Variants in ANKRD31 observed in about 807,000 individuals in gnomAD.
ANKRD31 encodes ankyrin repeat domain-containing protein 31.
A neutral mutation model predicts 186.0 loss-of-function variants in ANKRD31; 147 were observed. The observed-to-expected ratio is 0.79, with a 90% CI of 0.69 to 0.91. The LOEUF (loss-of-function observed/expected upper bound fraction) is 0.91. ANKRD31 is among the 40% of genes least tolerant of loss of function. The pLI is 0.00. For synonymous variants in ANKRD31, 673 were observed against 736.4 expected, an observed-to-expected ratio of 0.91 and a Z score of 1.39; for missense variants, 1,986 against 2,148.8, an observed-to-expected ratio of 0.92 and a Z score of 1.50.
chr5:75,139,958 C>A (rs967659783), intron 15 of ANKRD31, among the ~76,000 whole-genome samples: 2 of 152,112 alleles, frequency 1.3e-5, no homozygotes, highest in Non-Finnish European at 2.9e-5. Flanking sequence ...CGACCCAAAG[C>A]CAGGAACCTG....
In ANKRD31 at chr5:75,107,497, C is replaced by T. The variant is rs1037816095; in HGVS notation, c.4340+24G>A. The T allele has an allele frequency of 1.6e-5, 23 of 1,403,684 alleles. No individual in the cohort carries two copies. The Admixed American group carries it at 2.7e-4, about 17-fold the overall frequency. The allele number at this position is 1,403,684 out of a possible 1,614,324, so 87.0% of individuals were successfully genotyped here. On this transcript the variant is annotated intron_variant, in intron 21 of 25. Coordinates refer to ENST00000506364, the MANE Select transcript of ANKRD31 (RefSeq NM_001372053.1). The stretch of plus-strand genomic sequence containing the variant: ...TAAATTCTAGAAACTCAAAAGCACT[C>T]TTTTTTTTTCTTTTTCTACTCACCT...
At chr5:75,112,262 A>G (rs1747850107) in intron 20 of ANKRD31, among the ~76,000 whole-genome samples, 1 of 152,120 alleles carries the variant, frequency 6.6e-6, no homozygotes. Context: ...AAGTATCTTT[A>G]ACAACACAAA....
intron 3 of ANKRD31, among the ~76,000 whole-genome samples, chr5:75,219,119 A>T (rs1757138036): frequency 6.6e-6 from 1 of 152,144 alleles, no homozygotes; most frequent in Admixed American, 6.5e-5. Context: ...ATTCAACATA[A>T]TATTGGAAGT....
rs570223330 is a variant in ANKRD31 at position 75,190,541 on chromosome 5, A to G, written c.1409-1893T>C. Among the ~76,000 whole-genome samples the G allele has an allele frequency of 8.9e-4, 135 of 152,118 alleles. 1 individual carries two copies. The South Asian group carries it at 8.9e-3, about 10-fold the overall frequency. The stretch of plus-strand genomic sequence containing the variant: ...CACCTCTGAAGGTGTTACAGACTGA[A>G]TGGTGTCCTCCCAAAACTCAAACTT... On this transcript the variant is annotated intron_variant, in intron 9 of 25. Transcript: ENST00000506364.
intron 24 of ANKRD31, 29 bp downstream of exon 24, chr5:75,084,243 C>G (rs1292032896): frequency 1.4e-6 from 2 of 1,480,796 alleles, no homozygotes; most frequent in African/African-American, 1.4e-5. Flanking sequence ...TATCCCACAA[C>G]GAAGAAATGA....
intron 22 of ANKRD31, among the ~76,000 whole-genome samples, chr5:75,101,868 C>T (rs1000667247): frequency 5.9e-5 from 9 of 152,162 alleles, no homozygotes; most frequent in African/African-American, 1.9e-4. Flanking sequence ...GCGATGGGTT[C>T]GAACATCCTC....
chr5:75,225,711 A>G (rs1341350983), intron 2 of ANKRD31: 2 of 160,628 alleles, frequency 1.2e-5, no homozygotes, highest in Non-Finnish European at 2.7e-5. Context: ...TTCATGTCAG[A>G]CCCAGCACAT....
At chr5:75,134,428 T>C (rs1237843151) in intron 17 of ANKRD31, among the ~76,000 whole-genome samples, 1 of 152,082 alleles carries the variant, frequency 6.6e-6, no homozygotes, top group Non-Finnish European at 1.5e-5. Context: ...AATGGATAAA[T>C]TCCTCGACAC....
chr5:75,084,416 G>A, intron 23 of ANKRD31, 42 bp from the exon 24 acceptor site: 7 of 1,361,190 alleles, frequency 5.1e-6, no homozygotes, highest in Non-Finnish European at 7.1e-6. Flanking sequence ...CATACATTCT[G>A]TAAGAAGGAA....
At chr5:75,164,328 C>G (rs1752775200) in intron 11 of ANKRD31, among the ~76,000 whole-genome samples, 1 of 152,184 alleles carries the variant, frequency 6.6e-6, no homozygotes. Flanking sequence ...ATTCCTGACT[C>G]ACAGATACTG....
chr5:75,204,161 T>C (rs1041804244), intron 5 of ANKRD31, among the ~76,000 whole-genome samples: 5 of 152,238 alleles, frequency 3.3e-5, no homozygotes, highest in Non-Finnish European at 7.3e-5. Flanking sequence ...AATAATTTTT[T>C]ACCATTTCAA....
chr5:75,124,554 G>A (rs768289650), intron 17 of ANKRD31, among the ~76,000 whole-genome samples: 2 of 152,020 alleles, frequency 1.3e-5, no homozygotes, highest in African/African-American at 2.4e-5. Flanking sequence ...GTGGATGACC[G>A]GATAAATAAA....
intron 14 of ANKRD31, 90 bp downstream of exon 14, chr5:75,145,897 C>T (rs950728518): frequency 1.0e-5 from 12 of 1,154,948 alleles, no homozygotes; most frequent in East Asian, 2.7e-5. Context: ...CTCAGTTTGG[C>T]CATCGTTTGA....
rs745999896 is a variant in ANKRD31 at position 75,192,790 on chromosome 5, G to A, written c.1299-14C>T. 22 of 1,503,558 alleles carry A rather than the reference G, an allele frequency of 1.5e-5. No homozygotes were observed. Among genetic ancestry groups the A allele is most frequent in the Middle Eastern group, 1.7e-4 (1 of 5,926 alleles). 93.1% of individuals were successfully genotyped at this position (1,503,558 alleles called of 1,614,324 possible). A position where few individuals can be genotyped will look rare whatever the true frequency, so the allele number is the denominator to read the frequency against. ...GGATCCTGCATTCTTGAAAAACAAC[G>A]TATTTTTTAAATGGCTATAACGGTT... On this transcript the variant is annotated splice_polypyrimidine_tract_variant and intron_variant, in intron 8 of 25. Coordinates refer to ENST00000506364, the MANE Select transcript of ANKRD31 (RefSeq NM_001372053.1).
At chr5:75,124,300 T>C (rs1260283394) in intron 17 of ANKRD31, among the ~76,000 whole-genome samples, 3 of 152,094 alleles carry the variant, frequency 2.0e-5, no homozygotes, top group Admixed American at 2.0e-4. Flanking sequence ...GATGAGTATG[T>C]GGAGAAAAGG....
At chr5:75,200,931 A>G (rs1312588905) in intron 5 of ANKRD31, among the ~76,000 whole-genome samples, 1 of 151,910 alleles carries the variant, frequency 6.6e-6, no homozygotes, top group African/African-American at 2.4e-5. Context: ...AAAGAAAAGA[A>G]AAAAAGACCC....
chr5:75,173,842 G>A (rs973003223), intron 10 of ANKRD31, among the ~76,000 whole-genome samples: 1 of 152,002 alleles, frequency 6.6e-6, no homozygotes, highest in African/African-American at 2.4e-5. Flanking sequence ...TCCCCACCAA[G>A]CTACCAATGA....
chr5:75,135,000 A>G (rs570223374), intron 17 of ANKRD31, among the ~76,000 whole-genome samples: 2 of 152,210 alleles, frequency 1.3e-5, no homozygotes, highest in Non-Finnish European at 2.9e-5. Flanking sequence ...TAAACTAGGT[A>G]TTGATGGGAC....
intron 22 of ANKRD31, among the ~76,000 whole-genome samples, chr5:75,097,416 A>G (rs545697442): frequency 2.2e-4 from 34 of 152,242 alleles, no homozygotes; most frequent in Admixed American, 7.2e-4. Context: ...GCCAGTGATG[A>G]TGAGCATTTT....
Sources: gnomAD v4.1 joint callset for allele counts (sites outside exome capture counted in the v4.1 genomes callset) on GRCh38, gnomAD v4.1.1 for gene constraint, MANE v1.5 for transcripts, NCBI Gene and HGNC (gene_info 2026-07-23, HGNC 2026-07-21) for gene names.